EPHA7: variants seen among roughly 807,000 people sequenced by gnomAD.
EPHA7 encodes the protein ephrin type-A receptor 7.
A neutral mutation model predicts 112.6 loss-of-function variants in EPHA7; 25 were observed. The ratio of observed to expected loss-of-function variants is 0.22; its 90% CI spans 0.16 to 0.31. The LOEUF is 0.31. EPHA7 is among the 10% of genes least tolerant of loss of function. The probability of loss-of-function intolerance (pLI) is 1.00; values close to 1 mark genes in which losing one functional copy is unlikely to be tolerated. For synonymous variants in EPHA7, 437 were observed against 406.5 expected, an observed-to-expected ratio of 1.07 and a Z score of -0.90; for missense variants, 962 against 1,212.6, an observed-to-expected ratio of 0.79 and a Z score of 3.07.
intron 9 of EPHA7, chr6:93,260,762 G>A: frequency 1.0e-6 from 1 of 981,512 alleles, no homozygotes; most frequent in Non-Finnish European, 1.2e-6. Flanking sequence ...ACTGACAGAT[G>A]CTCATTTGTT....
At chr6:93,247,282 A>G (rs951840914) in intron 14 of EPHA7, among the ~76,000 whole-genome samples, 1 of 152,188 alleles carries the variant, frequency 6.6e-6, no homozygotes, top group African/African-American at 2.4e-5. Flanking sequence ...TCAAAAGGGA[A>G]CATGTTATGG....
At chr6:93,387,238 C>T (rs1282325510) in intron 3 of EPHA7, among the ~76,000 whole-genome samples, 2 of 152,084 alleles carry the variant, frequency 1.3e-5, no homozygotes, top group Admixed American at 6.6e-5. Context: ...CAAAGTTCCA[C>T]CAATCTCTAG....
At chr6:93,250,977 C>T (rs1359369037) in intron 14 of EPHA7, among the ~76,000 whole-genome samples, 2 of 151,996 alleles carry the variant, frequency 1.3e-5, no homozygotes, top group African/African-American at 2.4e-5. Flanking sequence ...TACAGTATGA[C>T]CATTGTAATT....
chr6:93,371,586 AT>A (rs1334811548), intron 3 of EPHA7, among the ~76,000 whole-genome samples: 1 of 152,220 alleles, frequency 6.6e-6, no homozygotes, highest in African/African-American at 2.4e-5. Flanking sequence ...ATCTGAAAGA[AT>A]TTAGAAATTT....
intron 14 of EPHA7, among the ~76,000 whole-genome samples, chr6:93,252,071 G>T (rs1294444920): frequency 2.0e-5 from 3 of 151,814 alleles, no homozygotes; most frequent in Non-Finnish European, 4.4e-5. Flanking sequence ...CTTGTTCATT[G>T]CCTTGTCCAG....
intron 3 of EPHA7, among the ~76,000 whole-genome samples, chr6:93,405,803 G>A (rs867582291): frequency 0.029 from 1,730 of 60,376 alleles, 17 homozygotes; most frequent in South Asian, 0.048. Context: ...GTGTGTGTGT[G>A]TGTGTGTGTG....
At chr6:93,278,864 C>G (rs1161575896) in intron 5 of EPHA7, among the ~76,000 whole-genome samples, 1 of 151,928 alleles carries the variant, frequency 6.6e-6, no homozygotes, top group East Asian at 1.9e-4. Flanking sequence ...GGCTCTGACA[C>G]TTCCTGAGAG....
chr6:93,417,466 C>T lies in EPHA7; in HGVS notation c.97+1779G>A, dbSNP rs3799787. Among the ~76,000 whole-genome samples, 92 of 152,336 alleles carry T rather than the reference C, an allele frequency of 6.0e-4. 2 individuals carry two copies. The East Asian group carries it at 0.017, about 28-fold the overall frequency. ...CCTTTTATACATCACACTTCTGCAT[C>T]TAAAGAATTCAGGCTCTTAGAATCA... On this transcript the variant is annotated intron_variant, in intron 1 of 16. Coordinates refer to ENST00000369303, the MANE Select transcript of EPHA7 (RefSeq NM_004440.4).
chr6:93,246,357 C>T (rs1769950582), intron 15 of EPHA7, among the ~76,000 whole-genome samples: 1 of 151,988 alleles, frequency 6.6e-6, no homozygotes, highest in Non-Finnish European at 1.5e-5. Context: ...GCCTGAATTT[C>T]TCTTATAAAC....
intron 3 of EPHA7, among the ~76,000 whole-genome samples, chr6:93,373,138 T>C (rs917003627): frequency 2.6e-5 from 4 of 151,988 alleles, no homozygotes; most frequent in South Asian, 2.1e-4. Context: ...TTTTGACATA[T>C]AGTCAATAAT....
chr6:93,339,348 C>T lies in EPHA7; in HGVS notation c.1324+17369G>A, dbSNP rs374057172. The stretch of plus-strand genomic sequence containing the variant: ...TTACATATTGTGAGACTGAAGACAA[C>T]ATTAATCTTGTATAATAATCAGCAT... On this transcript the variant is annotated intron_variant, in intron 5 of 16. Coordinates refer to ENST00000369303, the MANE Select transcript of EPHA7 (RefSeq NM_004440.4). Among the ~76,000 whole-genome samples, 484 of 151,824 alleles carry T rather than the reference C, an allele frequency of 3.2e-3. 2 individuals are homozygous for T. Among genetic ancestry groups the T allele is most frequent in the Non-Finnish European group, 5.8e-3 (393 of 67,734 alleles).
chr6:93,267,625 G>T (rs975666432), intron 7 of EPHA7, among the ~76,000 whole-genome samples: 11 of 151,658 alleles, frequency 7.3e-5, no homozygotes, highest in African/African-American at 2.7e-4. Context: ...AGAATATATT[G>T]ATAGTAAAAA....
chr6:93,398,869 A>G (rs920615635), intron 3 of EPHA7, among the ~76,000 whole-genome samples: 8 of 152,122 alleles, frequency 5.3e-5, no homozygotes, highest in African/African-American at 1.2e-4. Flanking sequence ...AGTAAAGAAC[A>G]TGTGCTAAAT....
intron 5 of EPHA7, among the ~76,000 whole-genome samples, chr6:93,304,396 C>T (rs544012079): frequency 9.9e-5 from 15 of 152,104 alleles, no homozygotes; most frequent in Admixed American, 2.6e-4. Flanking sequence ...TCTGGAGCTG[C>T]CAATGCTGGC....
intron 5 of EPHA7, among the ~76,000 whole-genome samples, chr6:93,336,679 T>G (rs457853): frequency 0.16 from 24,932 of 151,832 alleles, 2,204 homozygotes; most frequent in African/African-American, 0.22. Context: ...GGGATTACAG[T>G]CATGAGCCAC....
intron 5 of EPHA7, among the ~76,000 whole-genome samples, chr6:93,311,903 T>C (rs914153019): frequency 4.6e-5 from 7 of 152,148 alleles, no homozygotes; most frequent in East Asian, 1.9e-4. Context: ...TGTATCTCCA[T>C]TGGAGCTCTT....
intron 3 of EPHA7, among the ~76,000 whole-genome samples, chr6:93,368,972 C>T (rs944080196): frequency 4.6e-5 from 7 of 151,864 alleles, no homozygotes; most frequent in Non-Finnish European, 1.0e-4. Flanking sequence ...TTCTGGAGAT[C>T]ATAAAGAAAT....
At chr6:93,417,802 C>A (rs1056738231) in intron 1 of EPHA7, among the ~76,000 whole-genome samples, 1 of 152,026 alleles carries the variant, frequency 6.6e-6, no homozygotes, top group Non-Finnish European at 1.5e-5. Context: ...TAACCGCCAG[C>A]TTGGAGGCAC....
chr6:93,279,403 C>A (rs1486766), intron 5 of EPHA7, among the ~76,000 whole-genome samples: 1 of 152,080 alleles, frequency 6.6e-6, no homozygotes, highest in Admixed American at 6.6e-5. Flanking sequence ...CCTTTCCCAC[C>A]TCTTTTTCTT....
Sources: allele counts gnomAD v4.1 joint callset (sites outside exome capture counted in the v4.1 genomes callset), GRCh38; gene constraint gnomAD v4.1.1; transcripts MANE v1.5; gene names NCBI Gene and HGNC (gene_info 2026-07-23, HGNC 2026-07-21).